DIP2A: variants seen among roughly 807,000 people sequenced by gnomAD.
DIP2A encodes the protein DIP2 acetate--CoA ligase A, also known as disco-interacting protein 2 homolog A.
Under a neutral mutation model 177.4 loss-of-function variants are expected in DIP2A, and 85 were observed. The ratio of observed to expected loss-of-function variants is 0.48; its 90% CI spans 0.40 to 0.57. DIP2A has a LOEUF of 0.57. DIP2A is among the 20% of genes least tolerant of loss of function. The probability of loss-of-function intolerance (pLI) is 0.00; values close to 1 mark genes in which losing one functional copy is unlikely to be tolerated. For synonymous variants in DIP2A, 886 were observed against 881.8 expected, an observed-to-expected ratio of 1.00 and a Z score of -0.08; for missense variants, 1,791 against 2,100.2, an observed-to-expected ratio of 0.85 and a Z score of 2.88.
intron 2 of DIP2A, among the ~76,000 whole-genome samples, chr21:46,485,534 T>G (rs1160224098): frequency 6.6e-6 from 1 of 152,138 alleles, no homozygotes; most frequent in Non-Finnish European, 1.5e-5. Context: ...CGGTTCCAGA[T>G]GTATTAGGCC....
chr21:46,543,776 G>C (rs1048457028), intron 18 of DIP2A, among the ~76,000 whole-genome samples: 1 of 152,200 alleles, frequency 6.6e-6, no homozygotes, highest in African/African-American at 2.4e-5. Context: ...TGTAAGTGTT[G>C]TGTGGCACTG....
At chr21:46,539,583 G>T in intron 16 of DIP2A, 1 of 420,922 alleles carries the variant, frequency 2.4e-6, no homozygotes, top group Non-Finnish European at 4.5e-6. Context: ...CCTGATCCTT[G>T]CAGTGCCGTG....
At chr21:46,578,340 C>CAA in the DIP2A span, among the ~76,000 whole-genome samples, 3 of 151,738 alleles carry the variant, frequency 2.0e-5, no homozygotes, top group African/African-American at 7.3e-5. Context: ...ACAACGACAA[C>CAA]AAAAAAAACC....
intron 1 of DIP2A, among the ~76,000 whole-genome samples, chr21:46,460,717 G>T (rs943677738): frequency 6.6e-6 from 1 of 150,876 alleles, no homozygotes; most frequent in Admixed American, 6.6e-5. Flanking sequence ...TTTTTGAGAC[G>T]GAGTCTTGCT....
rs1184492441 is a variant in DIP2A at position 46,490,700 on chromosome 21, G to A, written c.264G>A (p.Arg88=). The change falls in exon 3 of 38, where the codon AGG becomes AGA. Residue 88 remains arginine (R), a synonymous_variant. Coordinates refer to ENST00000417564, the MANE Select transcript of DIP2A (RefSeq NM_015151.4). ...KQQKSRPTAS[R]DERFRSDVHT... ...AGAAGTCTCGGCCCACCGCCTCGAGGGATGAGCGCTTCCGGTCAGGTAGGG... is the reference window on the plus strand; with the variant it reads ...AGAAGTCTCGGCCCACCGCCTCGAGAGATGAGCGCTTCCGGTCAGGTAGGG... The A allele has an allele frequency of 6.3e-7, 1 of 1,583,732 alleles. No individual in the cohort carries two copies. The highest frequency in any genetic ancestry group is 8.6e-7 in the Non-Finnish European group (1 of 1,165,126).
chr21:46,532,037 A>T, intron 9 of DIP2A, 90 bp from the exon 10 acceptor site: 1 of 1,237,894 alleles, frequency 8.1e-7, no homozygotes, highest in Non-Finnish European at 1.1e-6. Context: ...TTTGGGGCTT[A>T]CAAAAATTTT....
intron 3 of DIP2A, among the ~76,000 whole-genome samples, chr21:46,492,479 T>C (rs998442415): frequency 1.3e-5 from 2 of 152,232 alleles, no homozygotes; most frequent in Admixed American, 1.3e-4. Context: ...GTGTCTTTTT[T>C]CCTTCTTGCA....
rs1199503544 is a variant in DIP2A, at chr21:46,556,872, C to A, written c.3499-67C>A. The A allele has an allele frequency of 7.2e-7, 1 of 1,383,562 alleles. No individual in the cohort carries two copies. 85.7% of individuals were successfully genotyped at this position (1,383,562 alleles called of 1,614,324 possible). On this transcript the variant is annotated intron_variant, in intron 29 of 37. Transcript: ENST00000417564. The surrounding 1 kb of genome is among the most constrained non-coding windows in gnomAD (Gnocchi z 4.5). ...CTAGCCATGTGAACAGCGGACACTG[C>A]CATCCACCCTCTCCCCTCCTGAATT... is the stretch of plus-strand genomic sequence containing the variant.
At chr21:46,541,694 G>T (rs1287503025) in intron 17 of DIP2A, 62 bp from the exon 18 acceptor site, 3 of 1,604,094 alleles carry the variant, frequency 1.9e-6, no homozygotes, top group Admixed American at 3.3e-5. Context: ...GGCAAGGTGG[G>T]CCCACCTCCC....
downstream of DIP2A, among the ~76,000 whole-genome samples, chr21:46,570,492 T>C (rs2060949541): frequency 6.6e-6 from 1 of 152,236 alleles, no homozygotes; most frequent in Admixed American, 6.5e-5. Context: ...TAGGAGTCTC[T>C]TTCTATTAAG....
intron 1 of DIP2A, among the ~76,000 whole-genome samples, chr21:46,484,066 C>T (rs2056531051): frequency 6.6e-6 from 1 of 152,102 alleles, no homozygotes; most frequent in South Asian, 2.1e-4. Context: ...GTCCTTTTTC[C>T]TCCTTTCCCA....
chr21:46,549,978 C>T (rs770335816), intron 22 of DIP2A, 93 bp downstream of exon 22: 81 of 1,573,888 alleles, frequency 5.1e-5, no homozygotes, highest in African/African-American at 4.2e-4. Context: ...TTGTCCCGCC[C>T]GGTCCTCCCT....
At chr21:46,506,040 G>A (rs753660857) in intron 6 of DIP2A, among the ~76,000 whole-genome samples, 6 of 152,130 alleles carry the variant, frequency 3.9e-5, no homozygotes, top group Non-Finnish European at 7.4e-5. Context: ...TCTTGTATAC[G>A]TTTTTGCATA....
At chr21:46,467,905 C>T (rs746437330) in intron 1 of DIP2A, among the ~76,000 whole-genome samples, 2 of 151,898 alleles carry the variant, frequency 1.3e-5, no homozygotes, top group Non-Finnish European at 2.9e-5. Flanking sequence ...GAGGTTGGAT[C>T]GTTTGAACTC....
At chr21:46,518,447 G>A (rs953904569) in intron 8 of DIP2A, among the ~76,000 whole-genome samples, 1 of 152,148 alleles carries the variant, frequency 6.6e-6, no homozygotes, top group Non-Finnish European at 1.5e-5. Context: ...AGAATATGGT[G>A]GTATTTCATT....
At chr21:46,532,024 A>G in intron 9 of DIP2A, 103 bp from the exon 10 acceptor site, 1 of 1,036,354 alleles carries the variant, frequency 9.6e-7, no homozygotes, top group South Asian at 1.7e-5. Flanking sequence ...AATTATTACA[A>G]TATTTGGGGC....
At chr21:46,578,530 G>T in the DIP2A span, among the ~76,000 whole-genome samples, 1 of 152,192 alleles carries the variant, frequency 6.6e-6, no homozygotes, top group East Asian at 1.9e-4. Context: ...TCCTTGTCTT[G>T]TGCCAGTTTT....
At chr21:46,511,377 C>T (rs1356777749) in intron 7 of DIP2A, 40 bp from the exon 8 acceptor site, 2 of 1,551,042 alleles carry the variant, frequency 1.3e-6, no homozygotes. Context: ...GTTCGTGGTG[C>T]TCTGAATTGC....
At chr21:46,463,719 T>TGTGTGTGTGTGTGTGTG (rs35675489) in intron 1 of DIP2A, among the ~76,000 whole-genome samples, 3 of 122,400 alleles carry the variant, frequency 2.5e-5, no homozygotes, top group Non-Finnish European at 3.3e-5. Context: ...TGTGTGTGTG[T>TGTGTGTGTGTGTGTGTG]ATATTTTGAG....
Sources: allele counts gnomAD v4.1 joint callset (sites outside exome capture counted in the v4.1 genomes callset), GRCh38; gene constraint gnomAD v4.1.1; non-coding constraint Gnocchi (gnomAD v3.1); transcripts MANE v1.5; gene names NCBI Gene and HGNC (gene_info 2026-07-23, HGNC 2026-07-21).